Variants in MASTL observed in about 807,000 individuals in gnomAD.
The protein encoded by MASTL is microtubule associated serine/threonine kinase like.
MASTL carries 54 observed loss-of-function variants against 82.5 expected under a neutral mutation model. The observed-to-expected ratio is 0.65, with a 90% CI of 0.53 to 0.82. The LOEUF (loss-of-function observed/expected upper bound fraction) is 0.82, where lower values mean the gene tolerates loss of function less well. Ranked by LOEUF, MASTL falls within the 40% of genes least tolerant of loss-of-function variation. The probability of loss-of-function intolerance (pLI) is 0.00; values close to 1 mark genes in which losing one functional copy is unlikely to be tolerated. For missense variants in MASTL, 950 were observed against 1,047.8 expected (o/e 0.91, Z 1.29); for synonymous variants, 323 against 368.9 (o/e 0.88, Z 1.43).
intron 7 of MASTL, among the ~76,000 whole-genome samples, chr10:27,169,282 G>T (rs951134188): frequency 5.9e-5 from 9 of 152,078 alleles, no homozygotes; most frequent in African/African-American, 2.2e-4. Context: ...AATCATCCAG[G>T]CCAGGTGTGG....
intron 9 of MASTL, among the ~76,000 whole-genome samples, chr10:27,174,848 A>C (rs1037649922): frequency 6.6e-6 from 1 of 152,136 alleles, no homozygotes; most frequent in African/African-American, 2.4e-5. Flanking sequence ...ATAAGGTCAC[A>C]TTTTTAGGTA....
At chr10:27,184,554 A>ATTTTTTTTTTTTT (rs752147433) in intron 11 of MASTL, among the ~76,000 whole-genome samples, 5 of 84,848 alleles carry the variant, frequency 5.9e-5, no homozygotes, top group African/African-American at 9.4e-5. Flanking sequence ...TATAAGAAGG[A>ATTTTTTTTTTTTT]TTTTTTTTTT....
At position 27,159,295 on chromosome 10, in the gene MASTL, G is replaced by T. The variant is rs926570601; in HGVS notation, c.325-324G>T. On this transcript the variant is annotated intron_variant, in intron 2 of 11. Transcript: ENST00000375940. This position sits in a 1 kb window ranked among gnomAD's most constrained non-coding sequence, Gnocchi z 4.0. ...TGCCACCAGGCCCAGCTAATTTTTT[G>T]TAATTTTAGTAGGGACGGGGTTTTG... Among the ~76,000 whole-genome samples the T allele has an allele frequency of 6.6e-5, 10 of 152,074 alleles. No individual in the cohort carries two copies. Among genetic ancestry groups the T allele is most frequent in the Middle Eastern group, 3.2e-3 (1 of 316 alleles).
chr10:27,181,356 A>C (rs2136173054), intron 10 of MASTL, 124 bp from the exon 11 acceptor site: 2 of 739,006 alleles, frequency 2.7e-6, no homozygotes, highest in East Asian at 2.8e-5. Context: ...ACGCTTTTGC[A>C]CTCCAGCCTG....
rs1346302964 is a variant in MASTL, at chr10:27,186,514, C to A, written c.2618C>A (p.Thr873Asn). The change falls in exon 12 of 12, where the codon ACT becomes AAT. Residue 873 changes from threonine (T) to asparagine (N), a missense_variant. Coordinates refer to ENST00000375940, the MANE Select transcript of MASTL (RefSeq NM_001172303.3). ...GCCAGGAATACTGCTCAGCACCTGA[C>A]TGTATCTGGATTTAGTCTGTAGCAC... ...FEARNTAQHL[T>N]VSGFSL 1 of 1,614,050 alleles carries A rather than the reference C, an allele frequency of 6.2e-7. No individual in the cohort carries two copies. Among genetic ancestry groups the A allele is most frequent in the Non-Finnish European group, 8.5e-7 (1 of 1,179,982 alleles).
chr10:27,184,510 T>C (rs2058527672), intron 11 of MASTL, among the ~76,000 whole-genome samples: 1 of 151,376 alleles, frequency 6.6e-6, no homozygotes, highest in South Asian at 2.1e-4. Context: ...TGCAACATAT[T>C]GGTCAGATTG....
chr10:27,179,430 G>A (rs534145079), intron 9 of MASTL, among the ~76,000 whole-genome samples: 2 of 152,092 alleles, frequency 1.3e-5, no homozygotes, highest in African/African-American at 2.4e-5. Flanking sequence ...GGTGGCAGGC[G>A]CCTGTAGTCC....
chr10:27,169,575 A>C (rs2057852177), intron 7 of MASTL, among the ~76,000 whole-genome samples: 2 of 152,038 alleles, frequency 1.3e-5, no homozygotes, highest in African/African-American at 4.8e-5. Context: ...TTCAAAAAAA[A>C]AAAAAACAGA....
rs1353624476 is a variant in MASTL at position 27,187,175 on chromosome 10, C to G, written c.*639C>G. The stretch of plus-strand genomic sequence containing the variant: ...ATTAGCCGGGCATGTTGGTGGGCGC[C>G]TGTAGTCCCAGCTACTCTGGAGGCT... On this transcript the variant is annotated 3_prime_UTR_variant, in exon 12 of 12. Coordinates refer to ENST00000375940, the MANE Select transcript of MASTL (RefSeq NM_001172303.3). Among the ~76,000 whole-genome samples, 2 of 152,168 alleles carry G rather than the reference C, an allele frequency of 1.3e-5. No homozygotes were observed. The highest frequency in any genetic ancestry group is 3.9e-4 in the East Asian group (2 of 5,194).
chr10:27,169,613 A>G (rs1353846041), intron 7 of MASTL, among the ~76,000 whole-genome samples: 1 of 152,028 alleles, frequency 6.6e-6, no homozygotes, highest in Non-Finnish European at 1.5e-5. Context: ...TGCAAAATAG[A>G]TATGTACGTA....
chr10:27,181,034 CACA>C lies in MASTL; in HGVS notation c.2353_2355del (p.Gln785del), dbSNP rs756719214. On this transcript the variant is annotated inframe_deletion, in exon 10 of 12. Transcript: ENST00000375940. ...ATTCCCCCTTTCAATGATGAAACACCACAACAAGTATTCCAGAATATTCTGAAA... is the reference window on the plus strand; with the variant it reads ...ATTCCCCCTTTCAATGATGAAACACCACAAGTATTCCAGAATATTCTGAAA... 1.6e-5 allele frequency: 25 copies of C among 1,609,088 alleles called. No individual in the cohort carries two copies. Among genetic ancestry groups the C allele is most frequent in the Non-Finnish European group, 2.0e-5 (23 of 1,175,648 alleles).
chr10:27,171,434 T>C (rs1219266976), intron 8 of MASTL, among the ~76,000 whole-genome samples: 2 of 149,974 alleles, frequency 1.3e-5, no homozygotes, highest in Admixed American at 1.3e-4. Context: ...TTATTATTAT[T>C]ATTATTATTA....
chr10:27,179,602 C>T (rs143793921), intron 9 of MASTL, among the ~76,000 whole-genome samples: 141 of 152,228 alleles, frequency 9.3e-4, no homozygotes, highest in Non-Finnish European at 1.6e-3. Context: ...ATAAATTTTG[C>T]ATCCAATGAA....
intron 3 of MASTL, among the ~76,000 whole-genome samples, chr10:27,160,631 A>G (rs1365551829): frequency 6.6e-6 from 1 of 151,926 alleles, no homozygotes; most frequent in Non-Finnish European, 1.5e-5. Flanking sequence ...GGTGCCTGTA[A>G]TCCCAGCTAC....
chr10:27,164,995 A>G, intron 4 of MASTL, 69 bp from the exon 5 acceptor site: 1 of 1,015,826 alleles, frequency 9.8e-7, no homozygotes, highest in African/African-American at 1.6e-5. Flanking sequence ...CATATACATA[A>G]CATTCATTTT....
At chr10:27,162,262 TAAATG>T (rs2057594099) in intron 4 of MASTL, among the ~76,000 whole-genome samples, 1 of 152,334 alleles carries the variant, frequency 6.6e-6, no homozygotes, top group Non-Finnish European at 1.5e-5. Context: ...AAAATACACA[TAAATG>T]AAATCACTTG....
At position 27,155,367 on chromosome 10, in the gene MASTL, G is replaced by C. The variant is rs1588629725; in HGVS notation, c.-60G>C. On this transcript the variant is annotated 5_prime_UTR_variant, in exon 1 of 12. Coordinates refer to ENST00000375940, the MANE Select transcript of MASTL (RefSeq NM_001172303.3). ...GCGGAGCCTCACTTTGAACCCAGTT[G>C]GCGGGAGTGGCTGCTCGCGGAGGGG... The C allele has an allele frequency of 7.9e-6, 12 of 1,511,118 alleles. No individual in the cohort carries two copies. In the East Asian group the frequency reaches 2.9e-4, roughly 37 times the overall value. 93.6% of individuals were successfully genotyped at this position (1,511,118 alleles called of 1,614,324 possible). A position where few individuals can be genotyped will look rare whatever the true frequency, so the allele number is the denominator to read the frequency against.
At chr10:27,179,474 G>A (rs576421580) in intron 9 of MASTL, among the ~76,000 whole-genome samples, 10 of 152,192 alleles carry the variant, frequency 6.6e-5, no homozygotes, top group African/African-American at 2.2e-4. Context: ...GGAGAATGGC[G>A]TGAACCCAGG....
chr10:27,166,343 GTTAAA>G (rs1487290635), intron 6 of MASTL, among the ~76,000 whole-genome samples: 6 of 152,276 alleles, frequency 3.9e-5, no homozygotes, highest in South Asian at 2.1e-4. Context: ...AAATACAAGT[GTTAAA>G]TTAAATACAA....
Sources: allele counts gnomAD v4.1 joint callset (sites outside exome capture counted in the v4.1 genomes callset), GRCh38; gene constraint gnomAD v4.1.1; non-coding constraint Gnocchi (gnomAD v3.1); transcripts MANE v1.5; gene names NCBI Gene and HGNC (gene_info 2026-07-23, HGNC 2026-07-21).